Variants in SLC22A25 observed in about 807,000 individuals in gnomAD.
SLC22A25 encodes the protein solute carrier family 22 member 25.
Under a neutral mutation model 45.9 loss-of-function variants are expected in SLC22A25, and 44 were observed. The observed-to-expected ratio is 0.96, with a 90% CI of 0.75 to 1.23. SLC22A25 has a LOEUF of 1.23. Among genes scored for constraint, SLC22A25 ranks in the 50% most tolerant of loss-of-function variants. The pLI is 0.00. For missense variants in SLC22A25, 800 were observed against 666.4 expected (o/e 1.20, Z -2.21); for synonymous variants, 283 against 238.6 (o/e 1.19, Z -1.72).
chr11:63,165,560 C>G (rs1294578232), intron 10 of SLC22A25, among the ~76,000 whole-genome samples: 1 of 152,128 alleles, frequency 6.6e-6, no homozygotes, highest in Non-Finnish European at 1.5e-5. Context: ...CTCCCCTAAA[C>G]CAGGATTGCA....
intron 5 of SLC22A25, among the ~76,000 whole-genome samples, chr11:63,226,559 G>A (rs2089966160): frequency 6.6e-6 from 1 of 152,182 alleles, no homozygotes. Flanking sequence ...ACTCCCTGAG[G>A]CCACTACCAC....
Position 63,229,149 on chromosome 11 carries a change from A to T in SLC22A25, c.402+102T>A. Reference sequence around the variant, plus strand: ...TTAATGTTTCCTGAAAGAATGAAGAATAAGCACCTACATGTGACTAAAGGC... The same window carrying T: ...TTAATGTTTCCTGAAAGAATGAAGATTAAGCACCTACATGTGACTAAAGGC... On this transcript the variant is annotated intron_variant, in intron 4 of 11. Transcript: ENST00000306494. The T allele has an allele frequency of 3.3e-6, 4 of 1,222,004 alleles. No homozygotes were observed. In the South Asian group the frequency reaches 8.9e-5, roughly 27 times the overall value. 75.7% of individuals were successfully genotyped at this position (1,222,004 alleles called of 1,614,324 possible).
chr11:63,219,240 AGT>A (rs2089794064), intron 5 of SLC22A25, among the ~76,000 whole-genome samples: 2 of 152,150 alleles, frequency 1.3e-5, no homozygotes, highest in Non-Finnish European at 2.9e-5. Context: ...ATTAATGGAG[AGT>A]GTTATTACAT....
chr11:63,189,037 A>C (rs2088683224), intron 7 of SLC22A25, among the ~76,000 whole-genome samples: 1 of 152,128 alleles, frequency 6.6e-6, no homozygotes, highest in Admixed American at 6.5e-5. Context: ...TTTGGGGTGG[A>C]GAGTTCTGTA....
At chr11:63,178,098 C>T (rs1053332860) in intron 9 of SLC22A25, among the ~76,000 whole-genome samples, 3 of 151,386 alleles carry the variant, frequency 2.0e-5, no homozygotes, top group African/African-American at 7.3e-5. Context: ...TGCCATGTTA[C>T]TCAGGCTGAT....
At position 63,163,604 on chromosome 11, in the gene SLC22A25, T is replaced by C. The variant is rs1354286469; in HGVS notation, c.*220A>G. ...CATACCAGGGCAGGAAGGGCAGAGGTCACCTAATTTTGGTCTTTTCACCAC... is the reference window on the plus strand; with the variant it reads ...CATACCAGGGCAGGAAGGGCAGAGGCCACCTAATTTTGGTCTTTTCACCAC... On this transcript the variant is annotated 3_prime_UTR_variant, in exon 12 of 12. Coordinates refer to ENST00000306494, the MANE Select transcript of SLC22A25 (RefSeq NM_199352.6). 1.3e-5 allele frequency among the ~76,000 whole-genome samples: 2 copies of C among 151,948 alleles called. No homozygotes were observed. The highest frequency in any genetic ancestry group is 1.3e-4 in the Admixed American group (2 of 15,252).
At chr11:63,190,446 C>G (rs1051107505) in intron 7 of SLC22A25, among the ~76,000 whole-genome samples, 2 of 152,056 alleles carry the variant, frequency 1.3e-5, no homozygotes, top group Non-Finnish European at 2.9e-5. Context: ...AGCCATTCGT[C>G]TAATTTTTTT....
At chr11:63,234,969 C>G (rs1034700208) in intron 3 of SLC22A25, among the ~76,000 whole-genome samples, 64 of 152,274 alleles carry the variant, frequency 4.2e-4, no homozygotes, top group African/African-American at 1.5e-3. Context: ...ATTGGCCCCC[C>G]CTCTCTTCTG....
chr11:63,237,753 C>T (rs2090188495), intron 3 of SLC22A25, among the ~76,000 whole-genome samples, 128 bp downstream of exon 3: 1 of 152,164 alleles, frequency 6.6e-6, no homozygotes, highest in Admixed American at 6.5e-5. Flanking sequence ...ATAGCCCTCA[C>T]CACACAGATT....
At chr11:63,219,737 A>G (rs1211522108) in intron 5 of SLC22A25, among the ~76,000 whole-genome samples, 1 of 152,056 alleles carries the variant, frequency 6.6e-6, no homozygotes, top group African/African-American at 2.4e-5. Flanking sequence ...CTGGTTCTCC[A>G]CTGTCATCTC....
intron 7 of SLC22A25, among the ~76,000 whole-genome samples, chr11:63,185,444 A>G (rs1256480706): frequency 6.6e-6 from 1 of 151,958 alleles, no homozygotes; most frequent in African/African-American, 2.4e-5. Context: ...AGCTTCATCC[A>G]TGTCTCTACA....
intron 1 of SLC22A25, 182 bp downstream of exon 1, chr11:63,243,252 C>A: frequency 2.7e-6 from 1 of 370,660 alleles, no homozygotes; most frequent in South Asian, 2.6e-5. Context: ...CGTACATGCA[C>A]AGGATGGTGG....
intron 7 of SLC22A25, among the ~76,000 whole-genome samples, chr11:63,185,692 C>A (rs1164678540): frequency 1.8e-5 from 2 of 108,722 alleles, no homozygotes; most frequent in African/African-American, 3.5e-5. Flanking sequence ...ATCCCTCCCC[C>A]CTCCCCCCAC....
chr11:63,217,729 C>T lies in SLC22A25; in HGVS notation c.513G>A (p.Gly171=), dbSNP rs750278137. 2 of 1,602,638 alleles carry T rather than the reference C, an allele frequency of 1.2e-6. No individual in the cohort carries two copies. Among genetic ancestry groups the T allele is most frequent in the Admixed American group, 1.8e-5 (1 of 56,404 alleles). Residue 171 remains glycine (G), a synonymous_variant, in exon 6 of 12, where the codon GGG becomes GGA. Transcript: ENST00000306494. ...NLYGHLSDRF[G]RKFVLRWSYL... is the part of the protein sequence containing the mutation. ...AAGACCATCTGAGCACGAACTTTCT[C>T]CCAAACCTGAGAAACAGGGGCACAT...
chr11:63,236,803 C>G (rs1323080906), intron 3 of SLC22A25, among the ~76,000 whole-genome samples: 1 of 152,138 alleles, frequency 6.6e-6, no homozygotes, highest in African/African-American at 2.4e-5. Context: ...TGGCTCCACC[C>G]CCTTCTTCTT....
At chr11:63,169,231 A>C (rs1220179108) in intron 9 of SLC22A25, among the ~76,000 whole-genome samples, 1 of 152,152 alleles carries the variant, frequency 6.6e-6, no homozygotes, top group Non-Finnish European at 1.5e-5. Flanking sequence ...AAATATAAAG[A>C]CCAATGATGC....
intron 5 of SLC22A25, among the ~76,000 whole-genome samples, chr11:63,227,249 G>A (rs2089980475): frequency 6.6e-6 from 1 of 151,884 alleles, no homozygotes; most frequent in Non-Finnish European, 1.5e-5. Flanking sequence ...GAATATGCTG[G>A]GCCACACCTG....
chr11:63,231,657 C>A (rs1214598087), intron 3 of SLC22A25, among the ~76,000 whole-genome samples: 1 of 152,070 alleles, frequency 6.6e-6, no homozygotes, highest in East Asian at 1.9e-4. Context: ...TTTAATTGGA[C>A]CCCATTTGTC....
intron 3 of SLC22A25, among the ~76,000 whole-genome samples, chr11:63,233,765 A>G (rs1398809697): frequency 1.6e-4 from 24 of 152,012 alleles, no homozygotes; most frequent in Non-Finnish European, 3.1e-4. Context: ...TTTCTCTTGT[A>G]GGCATTTAGT....
Sources: allele counts gnomAD v4.1 joint callset (sites outside exome capture counted in the v4.1 genomes callset), GRCh38; gene constraint gnomAD v4.1.1; transcripts MANE v1.5; gene names NCBI Gene and HGNC (gene_info 2026-07-23, HGNC 2026-07-21).